Variants in MCC observed in about 807,000 individuals in gnomAD.
MCC encodes MCC regulator of Wnt signaling pathway.
In MCC, 90 loss-of-function variants were observed where a neutral mutation model predicts 116.2. The observed-to-expected ratio is 0.77, with a 90% confidence interval of 0.65 to 0.92. MCC has a LOEUF of 0.92. Ranked by LOEUF, MCC falls within the 40% of genes least tolerant of loss-of-function variation. The pLI is 0.00. For synonymous variants in MCC, 578 were observed against 510.5 expected (o/e 1.13, Z -1.78); for missense variants, 1,516 against 1,312.2 (o/e 1.16, Z -2.40).
chr5:113,345,793 A>G (rs140325523), intron 2 of MCC, among the ~76,000 whole-genome samples: 325 of 152,344 alleles, frequency 2.1e-3, no homozygotes, highest in African/African-American at 7.5e-3. Context: ...GAAGACTACA[A>G]TAAATACCTA....
chr5:113,104,894 T>C (rs534201569), intron 6 of MCC, among the ~76,000 whole-genome samples: 1 of 152,366 alleles, frequency 6.6e-6, no homozygotes, highest in African/African-American at 2.4e-5. Flanking sequence ...CCATGTTCTT[T>C]CATCAGGGGG....
chr5:113,064,696 C>T (rs570034295), intron 13 of MCC, among the ~76,000 whole-genome samples: 4 of 152,278 alleles, frequency 2.6e-5, no homozygotes, highest in Admixed American at 1.3e-4. Flanking sequence ...TTATAGGTAC[C>T]GATGCCACCC....
intron 3 of MCC, among the ~76,000 whole-genome samples, chr5:113,265,983 A>C (rs1765403286): frequency 6.6e-6 from 1 of 152,142 alleles, no homozygotes; most frequent in South Asian, 2.1e-4. Context: ...AAAACAAGCC[A>C]TTTAAATTTA....
At chr5:113,220,053 A>ATTTT (rs1561466024) in intron 3 of MCC, among the ~76,000 whole-genome samples, 1 of 62,860 alleles carries the variant, frequency 1.6e-5, no homozygotes. Context: ...CTGCATGTCA[A>ATTTT]TTTCTTTTTC....
chr5:113,094,573 A>C (rs987553389), intron 8 of MCC, among the ~76,000 whole-genome samples: 6 of 151,552 alleles, frequency 4.0e-5, no homozygotes, highest in Non-Finnish European at 7.4e-5. Context: ...GGCGCCCACC[A>C]CCACGCCTGG....
intron 2 of MCC, among the ~76,000 whole-genome samples, chr5:113,353,429 T>G (rs11948187): frequency 0.038 from 5,832 of 152,326 alleles, 374 homozygotes; most frequent in African/African-American, 0.13. Context: ...TATGTCATTT[T>G]ATTTGTTTAT....
chr5:113,459,803 G>A (rs547157505), intron 1 of MCC, among the ~76,000 whole-genome samples: 2 of 144,648 alleles, frequency 1.4e-5, no homozygotes, highest in African/African-American at 5.2e-5. Context: ...TTGCAAAAAG[G>A]AGTCCTAGAA....
At chr5:113,295,025 G>A (rs908789218) in intron 3 of MCC, 12 of 914,260 alleles carry the variant, frequency 1.3e-5, no homozygotes, top group Non-Finnish European at 1.2e-5. Flanking sequence ...AAGGGTGGGG[G>A]CGAGTAGCCT....
chr5:113,220,433 C>T (rs1214624525), intron 3 of MCC, among the ~76,000 whole-genome samples: 1 of 152,062 alleles, frequency 6.6e-6, no homozygotes, highest in Non-Finnish European at 1.5e-5. Context: ...GAATTTATAT[C>T]ATAGCAACAT....
chr5:113,145,574 A>G (rs530201495), intron 4 of MCC, among the ~76,000 whole-genome samples: 30 of 152,336 alleles, frequency 2.0e-4, no homozygotes, highest in Non-Finnish European at 4.0e-4. Context: ...GGGTTTATAT[A>G]GAGAAAGGCA....
intron 1 of MCC, among the ~76,000 whole-genome samples, chr5:113,445,052 G>A (rs1771169328): frequency 6.6e-6 from 1 of 152,148 alleles, no homozygotes; most frequent in South Asian, 2.1e-4. Flanking sequence ...TCACAAACCA[G>A]TAACCCAGAT....
At chr5:113,225,253 T>C (rs1763691801) in intron 3 of MCC, among the ~76,000 whole-genome samples, 1 of 152,226 alleles carries the variant, frequency 6.6e-6, no homozygotes, top group African/African-American at 2.4e-5. Context: ...ACTAATTTTA[T>C]TGACGAATTT....
intron 7 of MCC, among the ~76,000 whole-genome samples, chr5:113,102,366 AC>A (rs1338052911): frequency 2.0e-5 from 3 of 152,230 alleles, no homozygotes; most frequent in African/African-American, 7.2e-5. Flanking sequence ...ACAAAATCTA[AC>A]TTGAAGTTTC....
chr5:113,036,012 C>CT (rs771378295), intron 17 of MCC, among the ~76,000 whole-genome samples: 1 of 62,904 alleles, frequency 1.6e-5, no homozygotes, highest in Non-Finnish European at 2.8e-5. Flanking sequence ...GGATGAGGAA[C>CT]TTTTTTTTTT....
intron 1 of MCC, among the ~76,000 whole-genome samples, chr5:113,385,949 T>C (rs1261804452): frequency 6.6e-6 from 1 of 151,988 alleles, no homozygotes; most frequent in South Asian, 2.1e-4. Flanking sequence ...CTATAGAGTC[T>C]CAAATTTAAA....
rs545037332 is a variant in MCC at position 113,343,778 on chromosome 5, G to A, written c.416-3048C>T. ...CCTAGAAATACAACATGGGAATTAA[G>A]TCAAAATAAATTATACATTTAAACT... On this transcript the variant is annotated intron_variant, in intron 2 of 18. Transcript: ENST00000408903. Among the ~76,000 whole-genome samples, 4 of 152,318 alleles carry A rather than the reference G, an allele frequency of 2.6e-5. No homozygotes were observed. The South Asian group carries it at 8.3e-4, about 32-fold the overall frequency.
chr5:113,428,923 G>T (rs1770550859), intron 1 of MCC: 1 of 152,132 alleles, frequency 6.6e-6, no homozygotes, highest in Non-Finnish European at 1.5e-5. Context: ...AAAAGAACAA[G>T]ATTTACTTAT....
intron 10 of MCC, among the ~76,000 whole-genome samples, chr5:113,083,639 A>T (rs192028869): frequency 1.6e-4 from 25 of 152,306 alleles, no homozygotes; most frequent in Admixed American, 7.2e-4. Flanking sequence ...CCACAAATGA[A>T]AACTCTGGAA....
At chr5:113,124,760 A>C (rs1241683181) in intron 5 of MCC, among the ~76,000 whole-genome samples, 3 of 152,228 alleles carry the variant, frequency 2.0e-5, no homozygotes, top group Non-Finnish European at 4.4e-5. Context: ...TGTGTCACAA[A>C]ATGCAAACTA....
Sources: gnomAD v4.1 joint callset for allele counts (sites outside exome capture counted in the v4.1 genomes callset) on GRCh38, gnomAD v4.1.1 for gene constraint, MANE v1.5 for transcripts, NCBI Gene and HGNC (gene_info 2026-07-23, HGNC 2026-07-21) for gene names.